Variants in ZNF384 observed in about 807,000 individuals in gnomAD.
ZNF384 encodes the protein CAG repeat protein 1.
In ZNF384, 20 loss-of-function variants were observed where a neutral mutation model predicts 65.0. The observed-to-expected ratio is 0.31, with a 90% confidence interval of 0.22 to 0.45. The LOEUF (loss-of-function observed/expected upper bound fraction) is 0.45. ZNF384 is among the 20% of genes least tolerant of loss of function. The pLI, the probability that ZNF384 is intolerant of heterozygous loss-of-function variation, is 1.00. For missense variants in ZNF384, 549 were observed against 769.4 expected (o/e 0.71, Z 3.39); for synonymous variants, 310 against 303.9 (o/e 1.02, Z -0.21).
chr12:6,681,570 G>A (rs747864447), intron 2 of ZNF384, among the ~76,000 whole-genome samples: 2 of 152,196 alleles, frequency 1.3e-5, no homozygotes, highest in Non-Finnish European at 2.9e-5. Context: ...TTGACCCACT[G>A]AGGATACACT....
intron 7 of ZNF384, among the ~76,000 whole-genome samples, chr12:6,676,428 C>A (rs59523146): frequency 0.02 from 3,075 of 152,300 alleles, 122 homozygotes; most frequent in African/African-American, 0.07. Context: ...GATGGTCATT[C>A]AGGAATTCCA....
intron 7 of ZNF384, among the ~76,000 whole-genome samples, chr12:6,676,279 C>T (rs570483892): frequency 2.6e-5 from 4 of 151,672 alleles, no homozygotes; most frequent in East Asian, 1.9e-4. Flanking sequence ...CCAGCCTGGG[C>T]GACAGAGCGA....
At position 6,672,544 on chromosome 12, in the gene ZNF384, G is replaced by T. The variant is rs375446604; in HGVS notation, c.1005-12C>A. The T allele has an allele frequency of 1.2e-4, 197 of 1,613,282 alleles. No homozygotes were observed. The highest frequency in any genetic ancestry group is 1.5e-4 in the Non-Finnish European group (178 of 1,179,426). ...TCTTGGAGTGGATCCTGCCGGAGAG[G>T]AGAGGAGGGAAGGGGGGAGGAGGAA... On this transcript the variant is annotated splice_polypyrimidine_tract_variant and intron_variant, in intron 8 of 11. Transcript: ENST00000683879. The surrounding 1 kb of genome is among the most constrained non-coding windows in gnomAD (Gnocchi z 4.4).
chr12:6,668,722 A>G (rs1336067613), intron 11 of ZNF384, among the ~76,000 whole-genome samples: 1 of 152,012 alleles, frequency 6.6e-6, no homozygotes, highest in Non-Finnish European at 1.5e-5. Context: ...AGAAAAAAAA[A>G]AAAAAAAGAA....
Position 6,679,119 on chromosome 12 carries a change from A to G in ZNF384, c.131T>C (p.Leu44Pro). ...DQLLPEKGCG[L>P]APPHYPTLLT... ...CAAGGTGGGGTAGTGAGGTGGGGCC[A>G]GACCACAGCCCTTCTCTGGCAACAG... Residue 44 changes from leucine to proline, a missense_variant, in exon 4 of 12, where the codon CTG becomes CCG. Coordinates refer to ENST00000683879, the MANE Select transcript of ZNF384 (RefSeq NM_001385745.1). 6.2e-7 allele frequency: 1 copy of G among 1,611,912 alleles called. No individual in the cohort carries two copies. The highest frequency in any genetic ancestry group is 8.5e-7 in the Non-Finnish European group (1 of 1,178,622).
chr12:6,685,090 A>C (rs1303628777), intron 2 of ZNF384, among the ~76,000 whole-genome samples: 1 of 152,170 alleles, frequency 6.6e-6, no homozygotes, highest in Non-Finnish European at 1.5e-5. Context: ...TGGGAGGCCA[A>C]AGTAAGAGAA....
intron 2 of ZNF384, among the ~76,000 whole-genome samples, chr12:6,685,917 A>G (rs1957758317): frequency 6.6e-6 from 1 of 152,110 alleles, no homozygotes; most frequent in South Asian, 2.1e-4. Context: ...TAAAGAAGAG[A>G]GACACTATCA....
In ZNF384 at chr12:6,673,655, G is replaced by A. The variant is rs1254294190; in HGVS notation, c.780-215C>T. Among the ~76,000 whole-genome samples the A allele has an allele frequency of 6.6e-6, 1 of 152,154 alleles. No homozygotes were observed. The highest frequency in any genetic ancestry group is 1.5e-5 in the Non-Finnish European group (1 of 68,032). On this transcript the variant is annotated intron_variant, in intron 7 of 11. Transcript: ENST00000683879. The surrounding 1 kb of genome is among the most constrained non-coding windows in gnomAD (Gnocchi z 4.7). ...TAAATGTTTGCTGAATGACTGGACT[G>A]CCTCCATGTGCAAAAATGTATTTCA...
At chr12:6,685,381 T>C (rs903417044) in intron 2 of ZNF384, among the ~76,000 whole-genome samples, 1 of 151,544 alleles carries the variant, frequency 6.6e-6, no homozygotes, top group Admixed American at 6.6e-5. Flanking sequence ...GAAGGAAAGA[T>C]ATAATTTGGT....
intron 3 of ZNF384, 21 bp downstream of exon 3, chr12:6,679,434 C>G: frequency 6.2e-7 from 1 of 1,611,528 alleles, no homozygotes; most frequent in South Asian, 1.1e-5. Flanking sequence ...TTGGAGAGAG[C>G]AAGAAAGCAA....
rs748984943 is a variant in ZNF384 at position 6,673,302 on chromosome 12, G to C, written c.918C>G (p.Ile306Met). Residue 306 changes from isoleucine (I) to methionine (M), a missense_variant, in exon 8 of 12, where the codon ATC (isoleucine) becomes ATG (methionine). Physicochemically the swap from Ile to Met is conservative, Grantham distance 10 (BLOSUM62 1). Transcript: ENST00000683879. The surrounding 1 kb of genome is among the most constrained non-coding windows in gnomAD (Gnocchi z 4.7). Reference protein sequence around the residue: ...FANSSYLAQHIRIHSGAKPYS... With the variant: ...FANSSYLAQHMRIHSGAKPYS... ...AGGGCTTAGCCCCTGAGTGTATACG[G>C]ATGTGCTGGGCCAGGTAGGAGCTGT... The C allele has an allele frequency of 1.1e-5, 17 of 1,614,114 alleles. 1 individual carries two copies. In the South Asian group the frequency reaches 1.5e-4, roughly 15 times the overall value.
At chr12:6,682,313 C>G (rs555526173) in intron 2 of ZNF384, among the ~76,000 whole-genome samples, 1 of 144,462 alleles carries the variant, frequency 6.9e-6, no homozygotes, top group Non-Finnish European at 1.5e-5. Flanking sequence ...GAGCAAGACC[C>G]CAACTCCAAA....
At chr12:6,686,855 CA>C (rs1160873461) in intron 2 of ZNF384, among the ~76,000 whole-genome samples, 1 of 152,070 alleles carries the variant, frequency 6.6e-6, no homozygotes, top group East Asian at 1.9e-4. Context: ...AGGAACTACC[CA>C]AAAGTAACAA....
Position 6,678,441 on chromosome 12 carries a change from C to T in ZNF384, c.372G>A (p.Thr124=), listed in dbSNP as rs752253041. The change falls in exon 6 of 12, where the codon ACG becomes ACA. Residue 124 remains threonine, a synonymous_variant. Coordinates refer to ENST00000683879, the MANE Select transcript of ZNF384 (RefSeq NM_001385745.1). This position sits in a 1 kb window ranked among gnomAD's most constrained non-coding sequence, Gnocchi z 4.9. ...SQSRGPGLVI[T]SPSGSLVTTA... Reference sequence around the variant, plus strand: ...TGGTCACAAGAGAGCCTGAGGGGGACGTGATTACCAAACCCGGACCTAGGA... The same window carrying T: ...TGGTCACAAGAGAGCCTGAGGGGGATGTGATTACCAAACCCGGACCTAGGA... 53 of 1,590,206 alleles carry T rather than the reference C, an allele frequency of 3.3e-5. No homozygotes were observed. In the Admixed American group the frequency reaches 4.0e-4, roughly 12 times the overall value.
intron 2 of ZNF384, among the ~76,000 whole-genome samples, chr12:6,684,754 T>A (rs1483756398): frequency 6.6e-6 from 1 of 152,204 alleles, no homozygotes; most frequent in East Asian, 1.9e-4. Context: ...CTGATGAGGC[T>A]GACTTCATCT....
rs750889403 is a variant in ZNF384, at chr12:6,670,856, A to T, written c.1188-18T>A. On this transcript the variant is annotated intron_variant, in intron 9 of 11. Transcript: ENST00000683879. ...TGTGGATTCTGCACAGGATAAGAGA[A>T]AAAAGGGAAAGAATGTCAGCAAGAC... The T allele has an allele frequency of 2.5e-6, 4 of 1,610,608 alleles. No individual in the cohort carries two copies. The highest frequency in any genetic ancestry group is 3.4e-6 in the Non-Finnish European group (4 of 1,177,032).
At chr12:6,669,944 A>G (rs7967613) in intron 10 of ZNF384, among the ~76,000 whole-genome samples, 24,734 of 139,758 alleles carry the variant, frequency 0.18, 4,836 homozygotes, top group African/African-American at 0.49. Context: ...GCGCGCGCGC[A>G]CACACACACA....
rs749162705 is a variant in ZNF384 at position 6,678,674 on chromosome 12, C to T, written c.341G>A (p.Ser114Asn). The T allele has an allele frequency of 1.9e-6, 3 of 1,613,938 alleles. No homozygotes were observed. In the South Asian group the frequency reaches 3.3e-5, roughly 18 times the overall value. ...ACAGTGAGATTTACCCCTTGATTGACTCCCTTCTCTTCTCCACCTCTGAGA... is the reference window on the plus strand; with the variant it reads ...ACAGTGAGATTTACCCCTTGATTGATTCCCTTCTCTTCTCCACCTCTGAGA... ...SCSQRWRREG[S>N]QSRGPGLVIT... The change falls in exon 5 of 12, where the codon AGT becomes AAT. Residue 114 changes from serine to asparagine, a missense_variant. This residue lies in a region of ZNF384 where 277 missense variants were observed against 337.2 expected (regional missense o/e 0.82). Transcript: ENST00000683879. The surrounding 1 kb of genome is among the most constrained non-coding windows in gnomAD (Gnocchi z 4.9).
chr12:6,672,646 C>T lies in ZNF384; in HGVS notation c.1005-114G>A, dbSNP rs1309678636. On this transcript the variant is annotated intron_variant, in intron 8 of 11. Transcript: ENST00000683879. This position sits in a 1 kb window ranked among gnomAD's most constrained non-coding sequence, Gnocchi z 4.4. ...GACGGATGAGAGCACCCCCTTCCTC[C>T]CTCCTCCCAAAAACACTCCAGCCTG... 1 of 1,038,068 alleles carries T rather than the reference C, an allele frequency of 9.6e-7. No homozygotes were observed. Among genetic ancestry groups the T allele is most frequent in the Admixed American group, 2.4e-5 (1 of 40,824 alleles). The allele number at this position is 1,038,068 out of a possible 1,614,324, so 64.3% of individuals were successfully genotyped here. A position where few individuals can be genotyped will look rare whatever the true frequency, so the allele number is the denominator to read the frequency against.
Sources: allele counts gnomAD v4.1 joint callset (sites outside exome capture counted in the v4.1 genomes callset), GRCh38; gene constraint gnomAD v4.1.1; regional missense constraint gnomAD v4.1.1; non-coding constraint Gnocchi (gnomAD v3.1); transcripts MANE v1.5; gene names NCBI Gene and HGNC (gene_info 2026-07-23, HGNC 2026-07-21).